Variants in TMEM232 observed in about 807,000 individuals in gnomAD.
TMEM232 encodes transmembrane protein 232.
TMEM232 carries 80 observed loss-of-function variants against 78.8 expected under a neutral mutation model. That is an observed-to-expected ratio of 1.01 (90% CI 0.85 to 1.22). TMEM232 has a LOEUF of 1.22. Ranked by LOEUF, TMEM232 falls within the 50% of genes most tolerant of loss-of-function variation. The probability of loss-of-function intolerance (pLI) is 0.00; values close to 1 mark genes in which losing one functional copy is unlikely to be tolerated. For synonymous variants in TMEM232, 297 were observed against 254.3 expected (o/e 1.17, Z -1.60); for missense variants, 881 against 742.2 (o/e 1.19, Z -2.17).
intron 2 of TMEM232, among the ~76,000 whole-genome samples, chr5:110,399,797 G>A (rs1253364686): frequency 6.6e-6 from 1 of 152,026 alleles, no homozygotes; most frequent in African/African-American, 2.4e-5. Context: ...CAAATTCCCT[G>A]GTTGCCCTTC....
chr5:110,683,986 T>C (rs1486810359), intron 1 of TMEM232, among the ~76,000 whole-genome samples: 1 of 152,006 alleles, frequency 6.6e-6, no homozygotes, highest in Non-Finnish European at 1.5e-5. Context: ...TGCCAAAGAA[T>C]AATTCCATTA....
At chr5:110,572,998 A>G (rs1436015898) in intron 10 of TMEM232, among the ~76,000 whole-genome samples, 2 of 152,068 alleles carry the variant, frequency 1.3e-5, no homozygotes, top group African/African-American at 4.8e-5. Flanking sequence ...CAGCTATCAA[A>G]GATATCACTT....
intron 1 of TMEM232, among the ~76,000 whole-genome samples, chr5:110,713,816 G>A (rs1022540123): frequency 1.6e-4 from 24 of 152,154 alleles, no homozygotes; most frequent in African/African-American, 5.6e-4. Flanking sequence ...GGGTGGCAGA[G>A]AGTTAGAAAT....
intron 11 of TMEM232, among the ~76,000 whole-genome samples, chr5:110,552,517 GT>G (rs1774596365): frequency 6.6e-6 from 1 of 151,948 alleles, no homozygotes; most frequent in Non-Finnish European, 1.5e-5. Flanking sequence ...GACACAAAAA[GT>G]TTAAGATCAA....
At chr5:110,455,242 A>G (rs1760770519) in intron 12 of TMEM232, among the ~76,000 whole-genome samples, 2 of 152,202 alleles carry the variant, frequency 1.3e-5, no homozygotes, top group African/African-American at 4.8e-5. Context: ...TATAATGCCA[A>G]TTTTACAAAA....
At chr5:110,631,711 C>G (rs1785155515) in intron 5 of TMEM232, among the ~76,000 whole-genome samples, 1 of 152,290 alleles carries the variant, frequency 6.6e-6, no homozygotes, top group African/African-American at 2.4e-5. Flanking sequence ...GCTGCTACAA[C>G]TGAGAACAGG....
intron 11 of TMEM232, among the ~76,000 whole-genome samples, chr5:110,542,542 T>C (rs1773265661): frequency 6.6e-6 from 1 of 152,060 alleles, no homozygotes; most frequent in Admixed American, 6.6e-5. Context: ...GAGAATTCCA[T>C]GATCCCCAAT....
intron 8 of TMEM232, chr5:110,618,075 T>C (rs1783165187): frequency 4.8e-6 from 1 of 209,502 alleles, no homozygotes; most frequent in South Asian, 7.9e-5. Flanking sequence ...ACAGTATCAG[T>C]ATATTTTCTC....
chr5:110,701,023 T>G (rs1372068097), intron 1 of TMEM232, among the ~76,000 whole-genome samples: 2 of 151,910 alleles, frequency 1.3e-5, no homozygotes, highest in Non-Finnish European at 2.9e-5. Flanking sequence ...ATACCATTCT[T>G]TCCTTTTGGT....
intron 1 of TMEM232, among the ~76,000 whole-genome samples, chr5:110,705,268 T>C (rs1795813160): frequency 6.6e-6 from 1 of 152,090 alleles, no homozygotes; most frequent in African/African-American, 2.4e-5. Context: ...ACTGGCCAGC[T>C]AAGGTCAAAA....
At chr5:110,672,125 G>C (rs1165841439) in intron 1 of TMEM232, among the ~76,000 whole-genome samples, 2 of 152,112 alleles carry the variant, frequency 1.3e-5, no homozygotes, top group South Asian at 2.1e-4. Context: ...GAAGCTTTTG[G>C]CTATTTCTTG....
chr5:110,555,876 C>T (rs1775015425), intron 11 of TMEM232, among the ~76,000 whole-genome samples: 1 of 152,100 alleles, frequency 6.6e-6, no homozygotes, highest in Admixed American at 6.6e-5. Context: ...TCACTTTGAA[C>T]CTATAGGTAT....
intron 12 of TMEM232, among the ~76,000 whole-genome samples, chr5:110,520,242 AT>A (rs1769309058): frequency 6.6e-6 from 1 of 152,056 alleles, no homozygotes; most frequent in Non-Finnish European, 1.5e-5. Flanking sequence ...ATCATTACAT[AT>A]TGTATGCTTG....
At chr5:110,547,707 A>C (rs1773943480) in intron 11 of TMEM232, among the ~76,000 whole-genome samples, 1 of 152,096 alleles carries the variant, frequency 6.6e-6, no homozygotes, top group South Asian at 2.1e-4. Flanking sequence ...ATTAAATAAA[A>C]AGCTTCTCAG....
intron 12 of TMEM232, among the ~76,000 whole-genome samples, chr5:110,472,698 A>T (rs1324256294): frequency 2.0e-5 from 3 of 152,016 alleles, no homozygotes; most frequent in African/African-American, 7.2e-5. Context: ...AATAACAAAA[A>T]AAGCATGGTG....
At chr5:110,408,623 C>A (rs1040130263) in intron 2 of TMEM232, among the ~76,000 whole-genome samples, 1 of 151,504 alleles carries the variant, frequency 6.6e-6, no homozygotes, top group Admixed American at 6.6e-5. Flanking sequence ...CCAAAAAAAC[C>A]AAAAGGTGAA....
intron 1 of TMEM232, among the ~76,000 whole-genome samples, chr5:110,710,781 A>G (rs990351520): frequency 1.3e-5 from 2 of 152,162 alleles, no homozygotes; most frequent in African/African-American, 2.4e-5. Flanking sequence ...TAAAAGCCAT[A>G]TATTTCAGAC....
intron 12 of TMEM232, among the ~76,000 whole-genome samples, chr5:110,434,928 C>T (rs147429513): frequency 4.6e-5 from 7 of 152,042 alleles, no homozygotes; most frequent in African/African-American, 1.4e-4. Context: ...AATCTCTCAA[C>T]AAACTAGGCA....
At chr5:110,501,414 G>A (rs1431863655) in intron 12 of TMEM232, among the ~76,000 whole-genome samples, 1 of 151,906 alleles carries the variant, frequency 6.6e-6, no homozygotes, top group Non-Finnish European at 1.5e-5. Flanking sequence ...TCCTTATAAT[G>A]TTATATAACC....
Sources: gnomAD v4.1 joint callset for allele counts (sites outside exome capture counted in the v4.1 genomes callset) on GRCh38, gnomAD v4.1.1 for gene constraint, MANE v1.5 for transcripts, NCBI Gene and HGNC (gene_info 2026-07-23, HGNC 2026-07-21) for gene names.